The following USP40 variants were observed in gnomAD, a reference collection of about 807,000 sequenced individuals.
The protein encoded by USP40 is ubiquitin carboxyl-terminal hydrolase 40.
USP40 carries 143 observed loss-of-function variants against 166.2 expected under a neutral mutation model. The observed-to-expected ratio is 0.86, with a 90% CI of 0.75 to 0.99. USP40 has a LOEUF of 0.99. Among genes scored for constraint, USP40 ranks in the 50% least tolerant of loss-of-function variants. The pLI is 0.00. For missense variants in USP40, 1,444 were observed against 1,479.7 expected (o/e 0.98, Z 0.40); for synonymous variants, 498 against 524.0 (o/e 0.95, Z 0.68).
At chr2:233,482,313 A>C (rs1267243224) in intron 30 of USP40, among the ~76,000 whole-genome samples, 1 of 151,844 alleles carries the variant, frequency 6.6e-6, no homozygotes, top group East Asian at 1.9e-4. Context: ...CCAGTGAGTC[A>C]AGATTGCGCC....
chr2:233,504,904 C>T (rs998903155), intron 21 of USP40, among the ~76,000 whole-genome samples: 4 of 152,054 alleles, frequency 2.6e-5, no homozygotes, highest in African/African-American at 9.7e-5. Context: ...GCAGGATACA[C>T]ATTCTTGTCA....
Position 233,529,450 on chromosome 2 carries a change from T to C in USP40, c.1534A>G (p.Ile512Val), listed in dbSNP as rs374326845. Residue 512 changes from isoleucine to valine, a missense_variant, in exon 12 of 32, where the codon ATT becomes GTT. By Grantham distance (29) the Ile-to-Val change is conservative. Transcript: ENST00000678225. The stretch of plus-strand genomic sequence containing the variant: ...AATTACCTTTTGGTTTGCAGTTCAA[T>C]GTTAGCTGCATCCATTTCATTCAGT... ...HLLNEMDAAN[I>V]ELQTKRAECD... 5 of 1,577,086 alleles carry C rather than the reference T, an allele frequency of 3.2e-6. No individual in the cohort carries two copies. The highest frequency in any genetic ancestry group is 2.3e-5 in the South Asian group (2 of 86,304).
At chr2:233,560,743 T>TTAAC (rs1487383999) in intron 3 of USP40, 2 of 388,576 alleles carry the variant, frequency 5.1e-6, no homozygotes, top group African/African-American at 4.1e-5. Context: ...AACAAAATAA[T>TTAAC]TAACTCATTA....
At chr2:233,507,580 G>C (rs1358734236) in intron 21 of USP40, among the ~76,000 whole-genome samples, 1 of 151,586 alleles carries the variant, frequency 6.6e-6, no homozygotes, top group East Asian at 1.9e-4. Flanking sequence ...GCACAGAAAG[G>C]CTGATCGGTA....
chr2:233,555,930 T>C (rs111418392), intron 5 of USP40, among the ~76,000 whole-genome samples: 4,704 of 151,884 alleles, frequency 0.031, 142 homozygotes, highest in African/African-American at 0.075. Context: ...CTGGCTAACA[T>C]GGTGAAACCC....
chr2:233,495,286 C>T (rs539848148), intron 24 of USP40, among the ~76,000 whole-genome samples: 1 of 151,708 alleles, frequency 6.6e-6, no homozygotes, highest in East Asian at 1.9e-4. Flanking sequence ...GATATATATG[C>T]TATGTATATA....
intron 6 of USP40, among the ~76,000 whole-genome samples, chr2:233,553,673 CTT>C (rs141438462): frequency 0.013 from 1,942 of 152,340 alleles, 39 homozygotes; most frequent in East Asian, 0.084. Context: ...CAAAGTATCT[CTT>C]CTTTCCTGGA....
At chr2:233,521,229 G>A (rs115259405) in intron 16 of USP40, 115 bp from the exon 17 acceptor site, 8 of 1,210,362 alleles carry the variant, frequency 6.6e-6, no homozygotes, top group South Asian at 5.6e-5. Context: ...CTACTGAGTC[G>A]TCTCTATGAT....
In USP40 at chr2:233,493,547, A is replaced by T; in HGVS notation, c.2795T>A (p.Phe932Tyr). 6.2e-7 allele frequency: 1 copy of T among 1,611,814 alleles called. No homozygotes were observed. The highest frequency in any genetic ancestry group is 2.2e-5 in the East Asian group (1 of 44,858). ...GTACCACCAGATGGGCACCTTCAGG[A>T]AACCCTGAAGAATGGAGCATGTTTA... ...LIEGQLPPLG[F>Y]LKVPIWWYQL... is the part of the protein sequence containing the mutation. Residue 932 changes from phenylalanine (F) to tyrosine (Y), a missense_variant, in exon 25 of 32, where the codon TTC becomes TAC. Coordinates refer to ENST00000678225, the MANE Select transcript of USP40 (RefSeq NM_001365479.2). The surrounding 1 kb of genome is among the most constrained non-coding windows in gnomAD (Gnocchi z 4.7).
chr2:233,512,150 A>G (rs994492616), intron 19 of USP40: 2 of 197,108 alleles, frequency 1.0e-5, no homozygotes, highest in Non-Finnish European at 2.0e-5. Flanking sequence ...CCAAGTTTAA[A>G]GTTGAGATTG....
At chr2:233,485,375 T>C (rs996372980) in intron 30 of USP40, among the ~76,000 whole-genome samples, 156 bp downstream of exon 30, 2 of 152,222 alleles carry the variant, frequency 1.3e-5, no homozygotes, top group African/African-American at 2.4e-5. Flanking sequence ...CCTTGTAAAG[T>C]CAGTTGTCCA....
rs574631582 is a variant in USP40 at position 233,477,439 on chromosome 2, G to C, written c.3664C>G (p.Arg1222Gly). 6.2e-7 allele frequency: 1 copy of C among 1,613,810 alleles called. No homozygotes were observed. Among genetic ancestry groups the C allele is most frequent in the South Asian group, 1.1e-5 (1 of 91,084 alleles). Reference sequence around the variant, plus strand: ...ATGGAGAGAGAAGTTTCCGGGGCTCGGGGCCGGGCAGGCGTCTCTGCACTG... The same window carrying C: ...ATGGAGAGAGAAGTTTCCGGGGCTCCGGGCCGGGCAGGCGTCTCTGCACTG... ...LSSAETPARP[R>G]APETSLSIHV... The change falls in exon 32 of 32, where the codon CGA becomes GGA. Residue 1222 changes from arginine to glycine, a missense_variant. Physicochemically the swap from Arg to Gly is moderately radical, Grantham distance 125 (BLOSUM62 -2). Transcript: ENST00000678225.
At chr2:233,477,718 C>T (rs939564325) in intron 31 of USP40, among the ~76,000 whole-genome samples, 1 of 152,278 alleles carries the variant, frequency 6.6e-6, no homozygotes, top group Non-Finnish European at 1.5e-5. Context: ...TTTGCACTGG[C>T]AGCACGGCAT....
intron 26 of USP40, 44 bp from the exon 27 acceptor site, chr2:233,489,527 C>G: frequency 1.4e-6 from 2 of 1,472,994 alleles, no homozygotes; most frequent in South Asian, 2.6e-5. Context: ...TTAAAAAGCA[C>G]TCTTCAAAAC....
At chr2:233,528,957 C>T (rs1435331653) in intron 12 of USP40, among the ~76,000 whole-genome samples, 2 of 152,190 alleles carry the variant, frequency 1.3e-5, no homozygotes, top group Non-Finnish European at 2.9e-5. Flanking sequence ...TAGGCTTTCC[C>T]CCAAGATCAG....
At chr2:233,502,918 T>C (rs1350166603) in intron 21 of USP40, among the ~76,000 whole-genome samples, 1 of 151,150 alleles carries the variant, frequency 6.6e-6, no homozygotes, top group Non-Finnish European at 1.5e-5. Context: ...TTGGAAAAAG[T>C]AAGTGTTCAA....
chr2:233,543,107 T>C (rs1559272001), intron 8 of USP40, among the ~76,000 whole-genome samples: 2 of 152,198 alleles, frequency 1.3e-5, no homozygotes, highest in Admixed American at 1.3e-4. Flanking sequence ...TATGAAGGTA[T>C]TGGGGAACAT....
Position 233,551,367 on chromosome 2 carries a change from A to C in USP40, c.837+9T>G, listed in dbSNP as rs569305448. Reference sequence around the variant, plus strand: ...AAAAGAAAGAATTTAAAAATAAAATAGTTCAAACCTGTTCACAAAAGGGCT... The same window carrying C: ...AAAAGAAAGAATTTAAAAATAAAATCGTTCAAACCTGTTCACAAAAGGGCT... On this transcript the variant is annotated intron_variant, in intron 7 of 31. Coordinates refer to ENST00000678225, the MANE Select transcript of USP40 (RefSeq NM_001365479.2). The C allele has an allele frequency of 1.3e-6, 2 of 1,568,504 alleles. No homozygotes were observed. Among genetic ancestry groups the C allele is most frequent in the South Asian group, 2.4e-5 (2 of 82,212 alleles).
intron 21 of USP40, among the ~76,000 whole-genome samples, chr2:233,502,712 T>C (rs1404794075): frequency 6.6e-6 from 1 of 152,038 alleles, no homozygotes; most frequent in African/African-American, 2.4e-5. Flanking sequence ...ATGTCACCTC[T>C]GTCACAAACA....
Sources: allele counts gnomAD v4.1 joint callset (sites outside exome capture counted in the v4.1 genomes callset), GRCh38; gene constraint gnomAD v4.1.1; non-coding constraint Gnocchi (gnomAD v3.1); transcripts MANE v1.5; gene names NCBI Gene and HGNC (gene_info 2026-07-23, HGNC 2026-07-21).